Variants in HOOK2 observed in about 807,000 individuals in gnomAD.
HOOK2 encodes protein Hook homolog 2.
In HOOK2, 108 loss-of-function variants were observed where a neutral mutation model predicts 111.9. That is an observed-to-expected ratio of 0.96 (90% CI 0.83 to 1.13). The LOEUF (loss-of-function observed/expected upper bound fraction) is 1.13, where lower values mean the gene tolerates loss of function less well. Ranked by LOEUF, HOOK2 falls within the 50% of genes most tolerant of loss-of-function variation. The pLI, the probability that HOOK2 is intolerant of heterozygous loss-of-function variation, is 0.00. For synonymous variants in HOOK2, 405 were observed against 394.3 expected, an observed-to-expected ratio of 1.03 and a Z score of -0.32; for missense variants, 978 against 951.3, an observed-to-expected ratio of 1.03 and a Z score of -0.37.
At chr19:12,771,628 A>C in intron 7 of HOOK2, 151 bp from the exon 8 acceptor site, 1 of 676,746 alleles carries the variant, frequency 1.5e-6, no homozygotes, top group Non-Finnish European at 2.5e-6. Context: ...CGCGCCTATA[A>C]TCCCAGCACT....
chr19:12,777,829 G>A (rs902825102), upstream of HOOK2, among the ~76,000 whole-genome samples: 2 of 152,258 alleles, frequency 1.3e-5, no homozygotes, highest in African/African-American at 4.8e-5. Context: ...GGGGGTCAAT[G>A]GAAAGTGATG....
chr19:12,777,211 CA>C (rs1338031869), upstream of HOOK2, among the ~76,000 whole-genome samples: 1 of 150,798 alleles, frequency 6.6e-6, no homozygotes. Flanking sequence ...CGATGGTTCA[CA>C]TCTGTAATCC....
At chr19:12,767,511 C>T in intron 13 of HOOK2, 47 bp from the exon 14 acceptor site, 1 of 1,483,018 alleles carries the variant, frequency 6.7e-7, no homozygotes, top group Non-Finnish European at 9.4e-7. Flanking sequence ...ATCCCCTGTC[C>T]CCGCCCCTAG....
intron 1 of HOOK2, 38 bp downstream of exon 1, chr19:12,775,367 G>A (rs1430571741): frequency 1.9e-6 from 3 of 1,602,582 alleles, no homozygotes; most frequent in African/African-American, 2.7e-5. Flanking sequence ...CAAGAGGAGC[G>A]GGCGCTCACC....
intron 10 of HOOK2, 42 bp downstream of exon 10, chr19:12,770,890 C>A (rs779747997): frequency 1.3e-6 from 2 of 1,563,520 alleles, no homozygotes; most frequent in East Asian, 2.3e-5. Flanking sequence ...ACAGGTTTAC[C>A]CCCCGCCCCC....
Position 12,763,618 on chromosome 19 carries a change from T to C in HOOK2, c.1939-19A>G. The C allele has an allele frequency of 1.2e-6, 2 of 1,614,162 alleles. No homozygotes were observed. The highest frequency in any genetic ancestry group is 1.7e-6 in the Non-Finnish European group (2 of 1,180,026). On this transcript the variant is annotated intron_variant, in intron 21 of 22. Coordinates refer to ENST00000397668, the MANE Select transcript of HOOK2 (RefSeq NM_013312.3). ...AGTCCATCTGTCAAGGAGGCAAGTG[T>C]CAGGGGCCTAGATACGTTGGAGGCA...
intron 7 of HOOK2, 47 bp from the exon 8 acceptor site, chr19:12,771,524 C>T (rs766678013): frequency 3.9e-6 from 6 of 1,522,288 alleles, no homozygotes; most frequent in South Asian, 3.5e-5. Context: ...AGGAGAAGGA[C>T]GGGGGGAGGG....
rs1968445965 is a variant in HOOK2, at chr19:12,774,817, G to T, written c.126C>A (p.Asn42Lys). The T allele has an allele frequency of 6.2e-7, 1 of 1,614,158 alleles. No individual in the cohort carries two copies. Among genetic ancestry groups the T allele is most frequent in the Non-Finnish European group, 8.5e-7 (1 of 1,179,978 alleles). Reference sequence around the variant, plus strand: ...TCCCCTTCAGCTCCACTCACATCTGGTTCAGCACATAGGCTACGGCAAGGC... The same window carrying T: ...TCCCCTTCAGCTCCACTCACATCTGTTTCAGCACATAGGCTACGGCAAGGC... ...SSGLAVAYVL[N>K]QIDPSWFNEA... Residue 42 changes from asparagine (N) to lysine (K), a missense_variant, in exon 2 of 23, where the codon AAC (asparagine) becomes AAA (lysine). Asn to Lys is a moderately conservative substitution (Grantham distance 94). Transcript: ENST00000397668.
chr19:12,777,039 C>T (rs1236888425), upstream of HOOK2, among the ~76,000 whole-genome samples: 3 of 149,852 alleles, frequency 2.0e-5, no homozygotes, highest in East Asian at 4.0e-4. Context: ...CGCCTGTAGT[C>T]CCAGCTACTC....
chr19:12,766,343 A>G, intron 14 of HOOK2, 103 bp from the exon 15 acceptor site: 2 of 1,372,620 alleles, frequency 1.5e-6, no homozygotes, highest in Non-Finnish European at 1.9e-6. Context: ...GCCCTGGGGA[A>G]GAGCCCAGCC....
At chr19:12,767,732 C>A in intron 13 of HOOK2, 84 bp downstream of exon 13, 1 of 1,301,300 alleles carries the variant, frequency 7.7e-7, no homozygotes. Flanking sequence ...CTGTCCCCAA[C>A]CTAGACATGC....
chr19:12,782,187 T>A (rs1352810749), upstream of HOOK2, among the ~76,000 whole-genome samples: 1 of 152,222 alleles, frequency 6.6e-6, no homozygotes, highest in Non-Finnish European at 1.5e-5. Flanking sequence ...TTTATCAGGA[T>A]GTATCTGCCA....
At chr19:12,788,282 A>G (rs115070378) in intron 3 of HOOK2, among the ~76,000 whole-genome samples, 116 of 152,306 alleles carry the variant, frequency 7.6e-4, no homozygotes, top group African/African-American at 2.7e-3. Flanking sequence ...CTCATCTGTT[A>G]CATGGGGATA....
In HOOK2 at chr19:12,790,141, G is replaced by A. The variant is rs1398973387; in HGVS notation, n.42-15916C>T. ...CACCGCGGGCGGAACCATTGCTTGA[G>A]GGGAGAGGATGGTGGCTGGAGGCTG... On this transcript the variant is annotated intron_variant and non_coding_transcript_variant, in intron 3 of 3. Coordinates refer to the HOOK2 transcript ENST00000589765. This position sits in a 1 kb window ranked among gnomAD's most constrained non-coding sequence, Gnocchi z 7.2. Among the ~76,000 whole-genome samples, 1 of 152,218 alleles carries A rather than the reference G, an allele frequency of 6.6e-6. No homozygotes were observed. The highest frequency in any genetic ancestry group is 1.5e-5 in the Non-Finnish European group (1 of 68,022).
Position 12,775,518 on chromosome 19 carries a change from G to T in HOOK2, c.-69C>A, listed in dbSNP as rs931122866. On this transcript the variant is annotated 5_prime_UTR_variant, in exon 1 of 23. It adds an upstream start codon to the 5' untranslated region. Transcript: ENST00000397668. The stretch of plus-strand genomic sequence containing the variant: ...GCAGCAGCCTCCGGGTCCGCCACCA[G>T]CGAGCGCCCGCAGCCCCGACCTCCC... 6.5e-7 allele frequency: 1 copy of T among 1,534,740 alleles called. No individual in the cohort carries two copies. The highest frequency in any genetic ancestry group is 1.4e-5 in the African/African-American group (1 of 71,242).
In HOOK2 at chr19:12,763,473, AC is replaced by A. The variant is rs757898532; in HGVS notation, c.2011-43del. 21 of 1,611,154 alleles carry A rather than the reference AC, an allele frequency of 1.3e-5. No individual in the cohort carries two copies. The African/African-American group carries it at 1.5e-4, about 11-fold the overall frequency. ...GGTTGGGGTCAGGTGAGCTCACAGG[AC>A]CCCCCCACCAATATTCTACCCATGA... On this transcript the variant is annotated intron_variant, in intron 22 of 22. Coordinates refer to ENST00000397668, the MANE Select transcript of HOOK2 (RefSeq NM_013312.3).
chr19:12,780,592 A>C (rs1210380), upstream of HOOK2, among the ~76,000 whole-genome samples: 2 of 140,288 alleles, frequency 1.4e-5, no homozygotes, highest in African/African-American at 5.3e-5. Flanking sequence ...TCCTGACCTC[A>C]TGATCCGCCC....
intron 1 of HOOK2, 130 bp downstream of exon 1, chr19:12,775,275 C>T: frequency 6.8e-7 from 1 of 1,477,472 alleles, no homozygotes. Context: ...GGCCAGAGTC[C>T]AACGGTCCAG....
upstream of HOOK2, chr19:12,775,582 C>A (rs1422628341): frequency 3.8e-6 from 3 of 789,112 alleles, no homozygotes; most frequent in Non-Finnish European, 3.4e-6. Flanking sequence ...CCCCCCTAGG[C>A]GCAGGCCCCG....
Sources: gnomAD v4.1 joint callset for allele counts (sites outside exome capture counted in the v4.1 genomes callset) on GRCh38, gnomAD v4.1.1 for gene constraint, Gnocchi (gnomAD v3.1) non-coding constraint, MANE v1.5 for transcripts, NCBI Gene and HGNC (gene_info 2026-07-23, HGNC 2026-07-21) for gene names.